The following FGF9 variants were observed in gnomAD, a reference collection of about 807,000 sequenced individuals.
The protein encoded by FGF9 is fibroblast growth factor 9 (glia-activating factor).
In FGF9, 3 loss-of-function variants were observed where a neutral mutation model predicts 19.9. The ratio of observed to expected loss-of-function variants is 0.15; its 90% confidence interval spans 0.07 to 0.39. The LOEUF (loss-of-function observed/expected upper bound fraction) is 0.39, where lower values mean the gene tolerates loss of function less well. Ranked by LOEUF, FGF9 falls within the 10% of genes least tolerant of loss-of-function variation. The pLI is 1.00. For missense variants in FGF9, 175 were observed against 256.8 expected (o/e 0.68, Z 2.18); for synonymous variants, 107 against 106.9 (o/e 1.00, Z -0.01).
intron 2 of FGF9, among the ~76,000 whole-genome samples, chr13:21,687,989 G>T (rs187950134): frequency 6.6e-6 from 1 of 152,158 alleles, no homozygotes; most frequent in Non-Finnish European, 1.5e-5. Flanking sequence ...AGGTATCTGC[G>T]GTGCCAGTGT....
At chr13:21,680,659 T>C (rs1478538413) in intron 1 of FGF9, among the ~76,000 whole-genome samples, 1 of 152,220 alleles carries the variant, frequency 6.6e-6, no homozygotes, top group African/African-American at 2.4e-5. Context: ...CTTAACTTCA[T>C]GTTTACAAAG....
At position 21,679,533 on chromosome 13, in the gene FGF9, A is replaced by C. The variant is rs185649894; in HGVS notation, c.278-1509A>C. Among the ~76,000 whole-genome samples, 761 of 152,264 alleles carry C rather than the reference A, an allele frequency of 5.0e-3. 4 individuals are homozygous for C. The highest frequency in any genetic ancestry group is 0.017 in the African/African-American group (711 of 41,566). ...GTAAGTAAAATTTTTAATATTTGAAAGTATTTTTAAAACAAGAACTCAATA... is the reference window on the plus strand; with the variant it reads ...GTAAGTAAAATTTTTAATATTTGAACGTATTTTTAAAACAAGAACTCAATA... On this transcript the variant is annotated intron_variant, in intron 1 of 2. Coordinates refer to ENST00000382353, the MANE Select transcript of FGF9 (RefSeq NM_002010.3).
In FGF9 at chr13:21,672,315, T is replaced by C. The variant is rs1273317482; in HGVS notation, c.277+126T>C. On this transcript the variant is annotated intron_variant, in intron 1 of 2. Transcript: ENST00000382353. This position sits in a 1 kb window ranked among gnomAD's most constrained non-coding sequence, Gnocchi z 4.2. Reference sequence around the variant, plus strand: ...CCCTCCTCCCCTCTTTCTCTGTATCTCTGTCTCTCTCTCTCTCTGTCTTGC... The same window carrying C: ...CCCTCCTCCCCTCTTTCTCTGTATCCCTGTCTCTCTCTCTCTCTGTCTTGC... 3 of 1,050,078 alleles carry C rather than the reference T, an allele frequency of 2.9e-6. No individual in the cohort carries two copies. The allele number at this position is 1,050,078 out of a possible 1,614,324, so 65.0% of individuals were successfully genotyped here.
Position 21,702,887 on chromosome 13 carries a change from T to A in FGF9, c.*1452T>A, listed in dbSNP as rs1872579033. 1 of 152,242 alleles carries A rather than the reference T, an allele frequency of 6.6e-6. No homozygotes were observed. 9.4% of individuals were successfully genotyped at this position (152,242 alleles called of 1,614,324 possible). A position where few individuals can be genotyped will look rare whatever the true frequency, so the allele number is the denominator to read the frequency against. On this transcript the variant is annotated 3_prime_UTR_variant, in exon 3 of 3. Coordinates refer to ENST00000382353, the MANE Select transcript of FGF9 (RefSeq NM_002010.3). ...ATACTTGTTGACTGTGTTTTGTTTT[T>A]TAAAATGGTCTCCACAAGCGCTCAA...
intron 2 of FGF9, among the ~76,000 whole-genome samples, chr13:21,700,140 T>C (rs1872508457): frequency 6.6e-6 from 1 of 151,918 alleles, no homozygotes; most frequent in African/African-American, 2.4e-5. Context: ...AAAGCTCGAG[T>C]AGAGAGGAAG....
chr13:21,680,447 G>A (rs576781728), intron 1 of FGF9, among the ~76,000 whole-genome samples: 180 of 150,840 alleles, frequency 1.2e-3, no homozygotes, highest in African/African-American at 4.1e-3. Flanking sequence ...TCTCTAAACA[G>A]AATACTTTTT....
rs1871795215 is a variant in FGF9, at chr13:21,672,603, T to C, written c.277+414T>C. Among the ~76,000 whole-genome samples the C allele has an allele frequency of 6.6e-6, 1 of 152,194 alleles. No individual in the cohort carries two copies. Among genetic ancestry groups the C allele is most frequent in the South Asian group, 2.1e-4 (1 of 4,826 alleles). On this transcript the variant is annotated intron_variant, in intron 1 of 2. Coordinates refer to ENST00000382353, the MANE Select transcript of FGF9 (RefSeq NM_002010.3). This position sits in a 1 kb window ranked among gnomAD's most constrained non-coding sequence, Gnocchi z 4.2. ...AGGCAGTGGGTATCTTGTGCCCAAA[T>C]TAAGGTTTTTTTCCTTTCCCCCTTT...
chr13:21,683,287 C>T (rs2138135629), intron 2 of FGF9, among the ~76,000 whole-genome samples: 1 of 152,376 alleles, frequency 6.6e-6, no homozygotes, highest in South Asian at 2.1e-4. Flanking sequence ...TGGTTTCTTA[C>T]TCATGCCTTC....
Position 21,701,255 on chromosome 13 carries a change from A to C in FGF9, c.447A>C (p.Ser149=). The part of the protein sequence containing the change: ...QFEENWYNTY[S]SNLYKHVDTG... ...AAGAAAACTGGTATAATACGTACTCATCAAACCTATATAAGCACGTGGACA... is the reference window on the plus strand; with the variant it reads ...AAGAAAACTGGTATAATACGTACTCCTCAAACCTATATAAGCACGTGGACA... The change falls in exon 3 of 3, where the codon TCA becomes TCC. Residue 149 remains serine, a synonymous_variant. Transcript: ENST00000382353. The C allele has an allele frequency of 6.2e-7, 1 of 1,613,618 alleles. No homozygotes were observed. Among genetic ancestry groups the C allele is most frequent in the Non-Finnish European group, 8.5e-7 (1 of 1,179,806 alleles).
In FGF9 at chr13:21,672,900, C is replaced by A. The variant is rs955207952; in HGVS notation, c.277+711C>A. On this transcript the variant is annotated intron_variant, in intron 1 of 2. Coordinates refer to ENST00000382353, the MANE Select transcript of FGF9 (RefSeq NM_002010.3). The surrounding 1 kb of genome is among the most constrained non-coding windows in gnomAD (Gnocchi z 4.2). ...ATAGTGTGCAGCCCTGTGTAGGTCT[C>A]CTGCGTGGCTCTCTGGTGTGAGTGT... 6.6e-6 allele frequency among the ~76,000 whole-genome samples: 1 copy of A among 151,910 alleles called. No individual in the cohort carries two copies. Among genetic ancestry groups the A allele is most frequent in the African/African-American group, 2.4e-5 (1 of 41,346 alleles).
Position 21,672,148 on chromosome 13 carries a change from A to G in FGF9, c.236A>G (p.Asn79Ser), listed in dbSNP as rs749883098. 2.5e-6 allele frequency: 4 copies of G among 1,614,240 alleles called. No homozygotes were observed. Among genetic ancestry groups the G allele is most frequent in the Middle Eastern group, 1.6e-4 (1 of 6,062 alleles). Reference protein sequence around the residue: ...RTGFHLEIFPNGTIQGTRKDH... With the variant: ...RTGFHLEIFPSGTIQGTRKDH... The stretch of plus-strand genomic sequence containing the variant: ...GGATTTCACTTAGAAATCTTCCCCA[A>G]TGGTACTATCCAGGGAACCAGGAAA... Residue 79 changes from asparagine to serine, a missense_variant, in exon 1 of 3, where the codon AAT becomes AGT. By Grantham distance (46) the Asn-to-Ser change is conservative (BLOSUM62 1). Transcript: ENST00000382353. This position sits in a 1 kb window ranked among gnomAD's most constrained non-coding sequence, Gnocchi z 4.2.
At position 21,698,087 on chromosome 13, in the gene FGF9, C is replaced by T. The variant is rs567999285; in HGVS notation, c.382-3103C>T. On this transcript the variant is annotated intron_variant, in intron 2 of 2. Transcript: ENST00000382353. Reference sequence around the variant, plus strand: ...CCTCCCAAAGTGCTGGGATTACAGGCGTGAGCCACTGCGCCCGGCCCCCAC... The same window carrying T: ...CCTCCCAAAGTGCTGGGATTACAGGTGTGAGCCACTGCGCCCGGCCCCCAC... Among the ~76,000 whole-genome samples the T allele has an allele frequency of 3.3e-5, 5 of 152,324 alleles. No homozygotes were observed. The East Asian group carries it at 9.7e-4, about 29-fold the overall frequency.
intron 2 of FGF9, among the ~76,000 whole-genome samples, chr13:21,683,226 T>C (rs1872083737): frequency 6.6e-6 from 1 of 152,218 alleles, no homozygotes; most frequent in Non-Finnish European, 1.5e-5. Flanking sequence ...GCAAAGCTGC[T>C]GGTAGGATTG....
intron 1 of FGF9, among the ~76,000 whole-genome samples, chr13:21,673,242 A>C (rs1394990990): frequency 6.6e-6 from 1 of 152,120 alleles, no homozygotes; most frequent in Non-Finnish European, 1.5e-5. Flanking sequence ...CACTTAAACT[A>C]GGTCGTAAAA....
rs1277115527 is a variant in FGF9 at position 21,672,480 on chromosome 13, T to A, written c.277+291T>A. Among the ~76,000 whole-genome samples the A allele has an allele frequency of 6.6e-6, 1 of 152,248 alleles. No individual in the cohort carries two copies. Among genetic ancestry groups the A allele is most frequent in the Non-Finnish European group, 1.5e-5 (1 of 68,038 alleles). On this transcript the variant is annotated intron_variant, in intron 1 of 2. Transcript: ENST00000382353. The surrounding 1 kb of genome is among the most constrained non-coding windows in gnomAD (Gnocchi z 4.2). ...AATACAAGTTTCCAGTTCTTTTGCA[T>A]CAGATACACGGGTTTAGGAAGTTTC...
In FGF9 at chr13:21,691,710, C is replaced by T. The variant is rs527779262; in HGVS notation, c.382-9480C>T. 5.9e-5 allele frequency among the ~76,000 whole-genome samples: 9 copies of T among 152,316 alleles called. No individual in the cohort carries two copies. Among genetic ancestry groups the T allele is most frequent in the East Asian group, 3.9e-4 (2 of 5,172 alleles). On this transcript the variant is annotated intron_variant, in intron 2 of 2. Transcript: ENST00000382353. This position sits in a 1 kb window ranked among gnomAD's most constrained non-coding sequence, Gnocchi z 4.2. ...GGGCCAGCTTTGGCAGTGGCCTGGT[C>T]GCCTCACCCCTCCCGACTCCCCCTC...
At position 21,672,876 on chromosome 13, in the gene FGF9, T is replaced by C. The variant is rs1214340557; in HGVS notation, c.277+687T>C. ...GATAACCTCTGCTTTTAAATTTCCA[T>C]AGTGTGCAGCCCTGTGTAGGTCTCC... On this transcript the variant is annotated intron_variant, in intron 1 of 2. Transcript: ENST00000382353. This position sits in a 1 kb window ranked among gnomAD's most constrained non-coding sequence, Gnocchi z 4.2. 1.3e-5 allele frequency among the ~76,000 whole-genome samples: 2 copies of C among 152,346 alleles called. No individual in the cohort carries two copies. Among genetic ancestry groups the C allele is most frequent in the African/African-American group, 4.8e-5 (2 of 41,580 alleles).
intron 2 of FGF9, among the ~76,000 whole-genome samples, chr13:21,696,988 T>G (rs371601494): frequency 2.5e-4 from 38 of 152,216 alleles, no homozygotes; most frequent in East Asian, 1.7e-3. Context: ...GTGGCATAAT[T>G]GGTGTAATTG....
chr13:21,697,740 C>A (rs1423849047), intron 2 of FGF9, among the ~76,000 whole-genome samples: 1 of 152,110 alleles, frequency 6.6e-6, no homozygotes, highest in Non-Finnish European at 1.5e-5. Context: ...CCTGCCCTCT[C>A]CACTCATTCC....
Sources: allele counts gnomAD v4.1 joint callset (sites outside exome capture counted in the v4.1 genomes callset), GRCh38; gene constraint gnomAD v4.1.1; non-coding constraint Gnocchi (gnomAD v3.1); transcripts MANE v1.5; gene names NCBI Gene and HGNC (gene_info 2026-07-23, HGNC 2026-07-21).